Variants in MMP20 observed in about 807,000 individuals in gnomAD.
MMP20 encodes the protein matrix metalloproteinase-20.
A neutral mutation model predicts 51.8 loss-of-function variants in MMP20; 50 were observed. The observed-to-expected ratio is 0.97, with a 90% CI of 0.77 to 1.22. The LOEUF (loss-of-function observed/expected upper bound fraction) is 1.22, where lower values mean the gene tolerates loss of function less well. Ranked by LOEUF, MMP20 falls within the 50% of genes most tolerant of loss-of-function variation. The pLI is 0.00. For missense variants in MMP20, 663 were observed against 601.4 expected, an observed-to-expected ratio of 1.10 and a Z score of -1.07; for synonymous variants, 244 against 216.2, an observed-to-expected ratio of 1.13 and a Z score of -1.13.
At chr11:102,588,505 T>C (rs1859279205) in intron 8 of MMP20, among the ~76,000 whole-genome samples, 2 of 152,180 alleles carry the variant, frequency 1.3e-5, no homozygotes, top group South Asian at 2.1e-4. Flanking sequence ...TGCTCCCACC[T>C]ACTTCCTTCA....
chr11:102,614,144 A>G (rs1294060598), intron 2 of MMP20, among the ~76,000 whole-genome samples: 1 of 152,190 alleles, frequency 6.6e-6, no homozygotes, highest in Non-Finnish European at 1.5e-5. Flanking sequence ...TAAGAGGAAG[A>G]TCATCATCAT....
chr11:102,624,007 A>G (rs1461527999), intron 1 of MMP20, among the ~76,000 whole-genome samples: 1 of 152,242 alleles, frequency 6.6e-6, no homozygotes, highest in Non-Finnish European at 1.5e-5. Flanking sequence ...TCAGTTCAAC[A>G]TGGTTGTGCT....
intron 4 of MMP20, among the ~76,000 whole-genome samples, 160 bp from the exon 5 acceptor site, chr11:102,609,258 T>C (rs2135941939): frequency 6.6e-6 from 1 of 152,338 alleles, no homozygotes; most frequent in South Asian, 2.1e-4. Context: ...CACTTAGCTT[T>C]GGTGACTTTA....
chr11:102,606,466 TG>T, intron 6 of MMP20, 68 bp downstream of exon 6: 1 of 1,598,128 alleles, frequency 6.3e-7, no homozygotes, highest in Non-Finnish European at 8.6e-7. Context: ...AACAAGGACC[TG>T]TGGGACGACG....
chr11:102,618,786 C>T (rs942392052), intron 1 of MMP20, among the ~76,000 whole-genome samples: 1 of 152,018 alleles, frequency 6.6e-6, no homozygotes, highest in Non-Finnish European at 1.5e-5. Flanking sequence ...ATTCTTTATT[C>T]CTTCCTATAT....
intron 6 of MMP20, chr11:102,605,168 A>G (rs1214222863): frequency 6.6e-6 from 1 of 152,238 alleles, no homozygotes; most frequent in Admixed American, 6.5e-5. Context: ...CTCTCTGTAC[A>G]TGAAGGGATC....
intron 6 of MMP20, among the ~76,000 whole-genome samples, chr11:102,601,993 A>G (rs1591615887): frequency 7.1e-6 from 1 of 140,810 alleles, no homozygotes; most frequent in Non-Finnish European, 1.5e-5. Context: ...TCTGTCGCCC[A>G]GGCTGGAGTG....
chr11:102,606,085 C>T (rs1859511558), intron 6 of MMP20, among the ~76,000 whole-genome samples: 1 of 152,184 alleles, frequency 6.6e-6, no homozygotes, highest in Admixed American at 6.5e-5. Context: ...AGCTAGCCAA[C>T]CCTCATTCAC....
Position 102,614,391 on chromosome 11 carries a change from T to A in MMP20, c.374+2421A>T, listed in dbSNP as rs140179306. On this transcript the variant is annotated intron_variant, in intron 2 of 9. Transcript: ENST00000260228. Reference sequence around the variant, plus strand: ...GGAGCAAGAGTGGATAGGCAATGTGTGTGTTGAGGGGTTTTTAAGACTGCC... The same window carrying A: ...GGAGCAAGAGTGGATAGGCAATGTGAGTGTTGAGGGGTTTTTAAGACTGCC... 4.7e-3 allele frequency among the ~76,000 whole-genome samples: 708 copies of A among 152,230 alleles called. 5 individuals carry two copies. The highest frequency in any genetic ancestry group is 0.031 in the Middle Eastern group (9 of 294).
At chr11:102,609,123 AC>A in intron 4 of MMP20, 25 bp from the exon 5 acceptor site, 2 of 1,610,460 alleles carry the variant, frequency 1.2e-6, no homozygotes, top group Non-Finnish European at 1.7e-6. Flanking sequence ...AGAGAAAAAA[AC>A]AGTATCAACA....
chr11:102,623,068 G>T (rs1379075343), intron 1 of MMP20, among the ~76,000 whole-genome samples: 12 of 152,302 alleles, frequency 7.9e-5, no homozygotes, highest in African/African-American at 2.4e-4. Context: ...CTGCTCCTTG[G>T]TCTAAGGTCT....
At chr11:102,593,899 A>G (rs560891027) in intron 7 of MMP20, among the ~76,000 whole-genome samples, 70 of 152,334 alleles carry the variant, frequency 4.6e-4, no homozygotes, top group African/African-American at 1.6e-3. Context: ...ACCTTCATAG[A>G]TCTACGAGAG....
intron 6 of MMP20, among the ~76,000 whole-genome samples, chr11:102,605,003 A>T (rs990965687): frequency 1.3e-5 from 2 of 152,208 alleles, no homozygotes; most frequent in African/African-American, 4.8e-5. Flanking sequence ...TCCTATGCTG[A>T]AGCCTTTACC....
chr11:102,602,091 A>G (rs1591615952), intron 6 of MMP20, among the ~76,000 whole-genome samples: 1 of 143,552 alleles, frequency 7.0e-6, no homozygotes, highest in Non-Finnish European at 1.5e-5. Flanking sequence ...CTGGGATTAC[A>G]GGCGCCCACC....
Position 102,609,936 on chromosome 11 carries a change from G to A in MMP20, c.618C>T (p.Asp206=). The A allele has an allele frequency of 6.2e-7, 1 of 1,614,138 alleles. No homozygotes were observed. Among genetic ancestry groups the A allele is most frequent in the Non-Finnish European group, 8.5e-7 (1 of 1,180,020 alleles). Residue 206 remains aspartate, a synonymous_variant, in exon 4 of 10, where the codon GAC becomes GAT. Transcript: ENST00000260228. Reference sequence around the variant, plus strand: ...TTCCCATAGTCCACTTCTCAGCATTGTCGAAATGTGTATCTCCTCCCAGGC... The same window carrying A: ...TTCCCATAGTCCACTTCTCAGCATTATCGAAATGTGTATCTCCTCCCAGGC... ...GEGLGGDTHF[D]NAEKWTMGTN... is the part of the protein sequence containing the mutation.
intron 2 of MMP20, among the ~76,000 whole-genome samples, chr11:102,614,303 G>T (rs1859639602): frequency 6.6e-6 from 1 of 152,190 alleles, no homozygotes; most frequent in South Asian, 2.1e-4. Context: ...TAGCTACACA[G>T]GCAGAGTACT....
At chr11:102,611,716 T>G in intron 3 of MMP20, 39 bp downstream of exon 3, 1 of 1,607,970 alleles carries the variant, frequency 6.2e-7, no homozygotes, top group Non-Finnish European at 8.5e-7. Context: ...GGGACAACTC[T>G]CCTTTGAATT....
chr11:102,598,365 T>C (rs1463327456), intron 6 of MMP20, among the ~76,000 whole-genome samples: 1 of 152,328 alleles, frequency 6.6e-6, no homozygotes, highest in Non-Finnish European at 1.5e-5. Flanking sequence ...AGTCTATAAT[T>C]TGATCTTTGA....
At position 102,579,131 on chromosome 11, in the gene MMP20, CT is replaced by C. The variant is rs1859163598; in HGVS notation, c.1258del (p.Arg420GlyfsTer20). The part of the protein sequence containing the change: ...VGDEYYSYDE[R>X]KRKMEKDYPK... ...ATAGTCTTTTTCCATTTTCCTTTTCCTTTCGTCGTAGCTAGAAAAAGTATTA... is the reference window on the plus strand; with the variant it reads ...ATAGTCTTTTTCCATTTTCCTTTTCCTTCGTCGTAGCTAGAAAAAGTATTA... On this transcript the variant is annotated frameshift_variant, in exon 9 of 10. Coordinates refer to ENST00000260228, the MANE Select transcript of MMP20 (RefSeq NM_004771.4). LOFTEE classifies it high-confidence loss of function. 6.2e-7 allele frequency: 1 copy of C among 1,611,320 alleles called. No homozygotes were observed. Among genetic ancestry groups the C allele is most frequent in the African/African-American group, 1.3e-5 (1 of 74,848 alleles).
Sources: allele counts gnomAD v4.1 joint callset (sites outside exome capture counted in the v4.1 genomes callset), GRCh38; gene constraint gnomAD v4.1.1; transcripts MANE v1.5; gene names NCBI Gene and HGNC (gene_info 2026-07-23, HGNC 2026-07-21).